Variants in CTNNA2 observed in about 807,000 individuals in gnomAD.
CTNNA2 encodes the protein catenin alpha-2.
CTNNA2 carries 42 observed loss-of-function variants against 101.0 expected under a neutral mutation model. That is an observed-to-expected ratio of 0.42 (90% CI 0.32 to 0.54). The LOEUF (loss-of-function observed/expected upper bound fraction) is 0.54. CTNNA2 is among the 20% of genes least tolerant of loss of function. CTNNA2 has a pLI of 0.14. For missense variants in CTNNA2, 871 were observed against 1,223.1 expected, an observed-to-expected ratio of 0.71 and a Z score of 4.29; for synonymous variants, 450 against 456.4, an observed-to-expected ratio of 0.99 and a Z score of 0.18.
rs1435320930 is a variant in CTNNA2 at position 80,621,454 on chromosome 2, T to TGA, written c.2574+2227_2574+2228dup. Among the ~76,000 whole-genome samples, 13 of 152,078 alleles carry TGA rather than the reference T, an allele frequency of 8.5e-5. 1 individual carries two copies. Among genetic ancestry groups the TGA allele is most frequent in the Non-Finnish European group, 1.5e-5 (1 of 67,926 alleles). On this transcript the variant is annotated intron_variant, in intron 18 of 18. Coordinates refer to ENST00000402739, the MANE Select transcript of CTNNA2 (RefSeq NM_001282597.3). ...TTTCTTTTAAATAGACAACGTCATT[T>TGA]GATTAATCTGCTAAATCTAAACCAC... is the stretch of plus-strand genomic sequence containing the variant.
intron 7 of CTNNA2, among the ~76,000 whole-genome samples, chr2:80,053,562 T>C (rs947246959): frequency 6.6e-6 from 1 of 152,212 alleles, no homozygotes; most frequent in African/African-American, 2.4e-5. Context: ...TCGTTATCAT[T>C]GTTCTGCCTC....
At chr2:79,856,521 G>A (rs1681148435) in intron 3 of CTNNA2, among the ~76,000 whole-genome samples, 1 of 152,024 alleles carries the variant, frequency 6.6e-6, no homozygotes, top group African/African-American at 2.4e-5. Flanking sequence ...CATATTAACT[G>A]TACTCTTCAA....
intron 4 of CTNNA2, among the ~76,000 whole-genome samples, chr2:79,496,181 C>T (rs567007289): frequency 6.6e-6 from 1 of 152,168 alleles, no homozygotes; most frequent in Non-Finnish European, 1.5e-5. Flanking sequence ...TTTCTGTTAT[C>T]CAAAGTTTGA....
At chr2:79,714,088 G>A (rs1685916988) in intron 2 of CTNNA2, among the ~76,000 whole-genome samples, 1 of 152,052 alleles carries the variant, frequency 6.6e-6, no homozygotes, top group Non-Finnish European at 1.5e-5. Context: ...GGCACAACCT[G>A]CTCTACTCTA....
At chr2:79,581,725 C>A (rs1676159737) in intron 1 of CTNNA2, among the ~76,000 whole-genome samples, 1 of 151,972 alleles carries the variant, frequency 6.6e-6, no homozygotes, top group African/African-American at 2.4e-5. Context: ...GGTATGCATA[C>A]AAAACTGAAA....
chr2:80,246,071 G>T (rs1339828370), intron 7 of CTNNA2, among the ~76,000 whole-genome samples: 1 of 151,912 alleles, frequency 6.6e-6, no homozygotes, highest in Non-Finnish European at 1.5e-5. Flanking sequence ...TGGGATTATA[G>T]GCGAGATCCA....
intron 7 of CTNNA2, among the ~76,000 whole-genome samples, chr2:80,200,696 C>T (rs763793734): frequency 1.8e-4 from 28 of 151,964 alleles, no homozygotes; most frequent in East Asian, 3.9e-4. Context: ...CCACCACGCC[C>T]GGCTAATTTT....
intron 7 of CTNNA2, among the ~76,000 whole-genome samples, chr2:80,356,363 G>T (rs1673797673): frequency 6.6e-6 from 1 of 152,082 alleles, no homozygotes. Context: ...AGCTCACCAA[G>T]ATTCCACACT....
chr2:79,272,402 A>G (rs1386725398), intron 2 of CTNNA2, among the ~76,000 whole-genome samples: 5 of 152,010 alleles, frequency 3.3e-5, no homozygotes, highest in Admixed American at 3.3e-4. Flanking sequence ...CAAAAACCAA[A>G]CAAAAATGGT....
intron 4 of CTNNA2, among the ~76,000 whole-genome samples, chr2:79,445,311 G>C (rs1452962516): frequency 6.6e-6 from 1 of 152,098 alleles, no homozygotes; most frequent in Non-Finnish European, 1.5e-5. Flanking sequence ...TGTCTTCAAA[G>C]TAGAAAAATC....
Position 79,532,999 on chromosome 2 carries a change from A to G in CTNNA2, c.-6+19792A>G, listed in dbSNP as rs528275582. ...GACAAGTCTGAAATATTCCTCTCCC[A>G]TACCCCTGGCTCTTCTTCAGGGCAC... On this transcript the variant is annotated intron_variant, in intron 1 of 18. Coordinates refer to ENST00000402739, the MANE Select transcript of CTNNA2 (RefSeq NM_001282597.3). Among the ~76,000 whole-genome samples, 9 of 151,972 alleles carry G rather than the reference A, an allele frequency of 5.9e-5. No homozygotes were observed. In the Middle Eastern group the frequency reaches 0.014, roughly 230 times the overall value.
chr2:80,237,515 C>G (rs1228733291), intron 7 of CTNNA2, among the ~76,000 whole-genome samples: 1 of 151,930 alleles, frequency 6.6e-6, no homozygotes, highest in Non-Finnish European at 1.5e-5. Context: ...AGTGGTGGTT[C>G]TTGGCAATAG....
At chr2:79,461,663 GAAGGAGA>G (rs1670880855) in intron 4 of CTNNA2, among the ~76,000 whole-genome samples, 2 of 152,078 alleles carry the variant, frequency 1.3e-5, no homozygotes, top group African/African-American at 4.8e-5. Flanking sequence ...GCCTATCTAA[GAAGGAGA>G]GCAAAGATAC....
At chr2:80,161,655 G>C (rs904233735) in intron 7 of CTNNA2, among the ~76,000 whole-genome samples, 7 of 152,052 alleles carry the variant, frequency 4.6e-5, no homozygotes, top group Non-Finnish European at 8.8e-5. Context: ...GCACTTAAAG[G>C]CTTCATGAAT....
chr2:79,517,932 T>A (rs1316184055), intron 1 of CTNNA2, among the ~76,000 whole-genome samples: 1 of 152,172 alleles, frequency 6.6e-6, no homozygotes, highest in Non-Finnish European at 1.5e-5. Flanking sequence ...AAAGCAGGTA[T>A]GTTCCCCATA....
chr2:80,119,649 A>G (rs1034917618), intron 7 of CTNNA2, among the ~76,000 whole-genome samples: 6 of 152,216 alleles, frequency 3.9e-5, no homozygotes, highest in African/African-American at 1.4e-4. Flanking sequence ...ATTTACTTCT[A>G]TCGAGGCTTC....
At chr2:79,759,997 G>A (rs141757551) in intron 3 of CTNNA2, among the ~76,000 whole-genome samples, 4 of 152,252 alleles carry the variant, frequency 2.6e-5, no homozygotes, top group African/African-American at 9.6e-5. Flanking sequence ...TCATTTTAAG[G>A]CGGTATAGCA....
intron 7 of CTNNA2, among the ~76,000 whole-genome samples, chr2:80,256,096 A>T (rs181707248): frequency 6.6e-6 from 1 of 152,234 alleles, no homozygotes; most frequent in Non-Finnish European, 1.5e-5. Flanking sequence ...CCCCACTCTC[A>T]GTAGCAGGTT....
intron 7 of CTNNA2, among the ~76,000 whole-genome samples, chr2:80,178,596 C>A (rs2148975690): frequency 6.6e-6 from 1 of 152,280 alleles, no homozygotes; most frequent in East Asian, 1.9e-4. Context: ...GCAGTGTGGA[C>A]CTGTTGCAGA....
Sources: gnomAD v4.1 joint callset for allele counts (sites outside exome capture counted in the v4.1 genomes callset) on GRCh38, gnomAD v4.1.1 for gene constraint, MANE v1.5 for transcripts, NCBI Gene and HGNC (gene_info 2026-07-23, HGNC 2026-07-21) for gene names.